Variants in CAP2 observed in about 807,000 individuals in gnomAD.
The protein encoded by CAP2 is adenylyl cyclase-associated protein 2.
A neutral mutation model predicts 57.7 loss-of-function variants in CAP2; 24 were observed. That is an observed-to-expected ratio of 0.42 (90% CI 0.30 to 0.58). The LOEUF is 0.58. Ranked by LOEUF, CAP2 falls within the 20% of genes least tolerant of loss-of-function variation. CAP2 has a pLI of 0.22. For missense variants in CAP2, 501 were observed against 590.3 expected (o/e 0.85, Z 1.57); for synonymous variants, 194 against 207.2 (o/e 0.94, Z 0.55).
intron 3 of CAP2, among the ~76,000 whole-genome samples, chr6:17,451,948 A>G (rs1760416031): frequency 6.6e-6 from 1 of 152,264 alleles, no homozygotes; most frequent in Admixed American, 6.5e-5. Flanking sequence ...AAAGAGAACA[A>G]AAACCATTCA....
At position 17,410,105 on chromosome 6, in the gene CAP2, A is replaced by G. The variant is rs535601704; in HGVS notation, c.-1-11450A>G. On this transcript the variant is annotated intron_variant, in intron 1 of 12. Coordinates refer to ENST00000229922, the MANE Select transcript of CAP2 (RefSeq NM_006366.3). Reference sequence around the variant, plus strand: ...TTTACTTATTTTTCTTCTTCTGAATACCATACTCTCATCTTTGAGACTTAA... The same window carrying G: ...TTTACTTATTTTTCTTCTTCTGAATGCCATACTCTCATCTTTGAGACTTAA... Among the ~76,000 whole-genome samples, 7 of 152,350 alleles carry G rather than the reference A, an allele frequency of 4.6e-5. No homozygotes were observed. In the South Asian group the frequency reaches 1.4e-3, roughly 32 times the overall value.
rs896793378 is a variant in CAP2, at chr6:17,556,408, A to G, written c.1400A>G (p.Lys467Arg). ...EQFKTAWDGS[K>R]LITEPAEIMA ...TTCAAGACAGCATGGGATGGATCCA[A>G]GTTAATCACTGAACCTGCAGAAATT... Residue 467 changes from lysine (K) to arginine (R), a missense_variant, in exon 13 of 13, where the codon AAG (lysine) becomes AGG (arginine). Transcript: ENST00000229922. 2 of 1,613,828 alleles carry G rather than the reference A, an allele frequency of 1.2e-6. No individual in the cohort carries two copies. The highest frequency in any genetic ancestry group is 1.7e-6 in the Non-Finnish European group (2 of 1,179,794).
intron 11 of CAP2, among the ~76,000 whole-genome samples, chr6:17,544,060 G>T (rs554127791): frequency 6.6e-6 from 1 of 150,858 alleles, no homozygotes; most frequent in Non-Finnish European, 1.5e-5. Context: ...GGGAGGCAGA[G>T]GTTGCAGTGA....
chr6:17,465,201 T>C (rs990489581), intron 4 of CAP2, among the ~76,000 whole-genome samples: 12 of 152,214 alleles, frequency 7.9e-5, no homozygotes, highest in Non-Finnish European at 1.5e-4. Context: ...CTTTTCTTTC[T>C]TTAAAGATGG....
In CAP2 at chr6:17,463,070, C is replaced by A; in HGVS notation, c.297C>A (p.His99Gln). 1 of 1,610,906 alleles carries A rather than the reference C, an allele frequency of 6.2e-7. No individual in the cohort carries two copies. The highest frequency in any genetic ancestry group is 8.5e-7 in the Non-Finnish European group (1 of 1,177,194). Residue 99 changes from histidine (H) to glutamine (Q), a missense_variant, in exon 4 of 13, where the codon CAC becomes CAA. His to Gln is a conservative substitution (Grantham distance 24, BLOSUM62 0). Coordinates refer to ENST00000229922, the MANE Select transcript of CAP2 (RefSeq NM_006366.3). ...LLMASQYQQP[H>Q]ENDVAALLKP... is the part of the protein sequence containing the mutation. Reference sequence around the variant, plus strand: ...TGGCCTCTCAGTACCAACAACCCCACGAGGTAAGAGAGTGTCCTGAGAGGG... The same window carrying A: ...TGGCCTCTCAGTACCAACAACCCCAAGAGGTAAGAGAGTGTCCTGAGAGGG...
In CAP2 at chr6:17,551,643, A is replaced by G. The variant is rs542932926; in HGVS notation, c.1350+39A>G. On this transcript the variant is annotated intron_variant, in intron 12 of 12. Coordinates refer to ENST00000229922, the MANE Select transcript of CAP2 (RefSeq NM_006366.3). ...AAAAGGCTGTCAAGAATTTTTCTGG[A>G]GCCTTCATTATTAACATTCTTAGAG... 22 of 1,490,350 alleles carry G rather than the reference A, an allele frequency of 1.5e-5. No homozygotes were observed. The East Asian group carries it at 5.1e-4, about 34-fold the overall frequency. The allele number at this position is 1,490,350 out of a possible 1,614,324, so 92.3% of individuals were successfully genotyped here. A position where few individuals can be genotyped will look rare whatever the true frequency, so the allele number is the denominator to read the frequency against.
chr6:17,437,853 C>A (rs191751270), intron 3 of CAP2, among the ~76,000 whole-genome samples: 1 of 152,104 alleles, frequency 6.6e-6, no homozygotes, highest in East Asian at 1.9e-4. Context: ...CTCGGTCCAA[C>A]CTGGGCAACA....
chr6:17,529,640 C>CA (rs1554129487), intron 7 of CAP2, among the ~76,000 whole-genome samples: 11,518 of 117,044 alleles, frequency 0.098, 712 homozygotes, highest in Admixed American at 0.12. Context: ...GACTCCGTCT[C>CA]AAAAAAAAAA....
In CAP2 at chr6:17,540,858, G is replaced by C. The variant is rs996489481; in HGVS notation, c.827-115G>C. 4 of 947,222 alleles carry C rather than the reference G, an allele frequency of 4.2e-6. No individual in the cohort carries two copies. The African/African-American group carries it at 4.9e-5, about 12-fold the overall frequency. The allele number at this position is 947,222 out of a possible 1,614,324, so 58.7% of individuals were successfully genotyped here. ...CTTGGAGAAAGCACTAGACTGTTTTGAAAGTGGCCTTACCAAAAGTTCTTG... is the reference window on the plus strand; with the variant it reads ...CTTGGAGAAAGCACTAGACTGTTTTCAAAGTGGCCTTACCAAAAGTTCTTG... On this transcript the variant is annotated intron_variant, in intron 8 of 12. Transcript: ENST00000229922.
chr6:17,460,273 C>G (rs1043226110), intron 3 of CAP2, among the ~76,000 whole-genome samples: 13 of 143,064 alleles, frequency 9.1e-5, no homozygotes, highest in Admixed American at 6.6e-5. Flanking sequence ...CCTGAAAGAA[C>G]TAAAAAACAA....
chr6:17,457,547 G>T lies in CAP2; in HGVS notation c.223-5449G>T, dbSNP rs150328912. On this transcript the variant is annotated intron_variant, in intron 3 of 12. Coordinates refer to ENST00000229922, the MANE Select transcript of CAP2 (RefSeq NM_006366.3). ...TAAAAACGAATGTAGATTAGAGTCT[G>T]CTAATTATGCCCAGAGTTCCAGGAA... is the stretch of plus-strand genomic sequence containing the variant. 4.4e-3 allele frequency among the ~76,000 whole-genome samples: 667 copies of T among 152,346 alleles called. 5 individuals are homozygous for T. The highest frequency in any genetic ancestry group is 0.015 in the African/African-American group (629 of 41,594).
At chr6:17,493,758 C>A (rs1317303953) in intron 4 of CAP2, among the ~76,000 whole-genome samples, 1 of 146,292 alleles carries the variant, frequency 6.8e-6, no homozygotes, top group African/African-American at 2.6e-5. Context: ...CAGAAAGGAA[C>A]TGAGCTGAGG....
chr6:17,426,231 C>CT lies in CAP2; in HGVS notation c.122-343dup, dbSNP rs551759980. On this transcript the variant is annotated intron_variant, in intron 2 of 12. Transcript: ENST00000229922. ...CTATGGCAAGACAGTCCCAGGTTTT[C>CT]TTTTTTTTTTTTTTTTCTTGAGATG... Among the ~76,000 whole-genome samples, 545 of 139,956 alleles carry CT rather than the reference C, an allele frequency of 3.9e-3. 2 individuals carry two copies. The highest frequency in any genetic ancestry group is 8.6e-3 in the African/African-American group (329 of 38,150). The allele number at this position is 139,956 out of a possible 152,430, so 91.8% of individuals were successfully genotyped here.
At chr6:17,454,458 G>A (rs547944854) in intron 3 of CAP2, among the ~76,000 whole-genome samples, 2 of 152,280 alleles carry the variant, frequency 1.3e-5, no homozygotes, top group Admixed American at 6.5e-5. Flanking sequence ...TTCTGTCCTC[G>A]GCCTGCAGCC....
chr6:17,544,027 A>G (rs1296858444), intron 11 of CAP2, among the ~76,000 whole-genome samples: 1 of 151,376 alleles, frequency 6.6e-6, no homozygotes, highest in East Asian at 2.0e-4. Flanking sequence ...TGGGAGGCTG[A>G]GACAGGAGAA....
intron 7 of CAP2, chr6:17,531,110 T>C (rs901151936): frequency 1.3e-6 from 1 of 762,638 alleles, no homozygotes; most frequent in South Asian, 1.4e-5. Flanking sequence ...TACCGAGAGA[T>C]TGAGCCATCA....
chr6:17,494,124 T>C (rs1343410940), intron 4 of CAP2, among the ~76,000 whole-genome samples: 2 of 152,198 alleles, frequency 1.3e-5, no homozygotes, highest in Non-Finnish European at 2.9e-5. Flanking sequence ...TCGAATACGA[T>C]GTCCCTAGTT....
At chr6:17,471,341 TG>T (rs1761014900) in intron 4 of CAP2, among the ~76,000 whole-genome samples, 1 of 152,264 alleles carries the variant, frequency 6.6e-6, no homozygotes, top group Admixed American at 6.5e-5. Flanking sequence ...AAAGTAATTC[TG>T]GCCCTAATGT....
At chr6:17,551,394 T>G in intron 11 of CAP2, 70 bp from the exon 12 acceptor site, 2 of 1,226,188 alleles carry the variant, frequency 1.6e-6, no homozygotes, top group Non-Finnish European at 2.3e-6. Flanking sequence ...GGAATTGAGA[T>G]TGTATTTATT....
Sources: gnomAD v4.1 joint callset for allele counts (sites outside exome capture counted in the v4.1 genomes callset) on GRCh38, gnomAD v4.1.1 for gene constraint, MANE v1.5 for transcripts, NCBI Gene and HGNC (gene_info 2026-07-23, HGNC 2026-07-21) for gene names.